The following GTF2A1 variants were observed in gnomAD, a reference collection of about 807,000 sequenced individuals.
GTF2A1 encodes general transcription factor IIA subunit 1, also known as transcription initiation factor IIA subunit 1.
Under a neutral mutation model 54.1 loss-of-function variants are expected in GTF2A1, and 12 were observed. The ratio of observed to expected loss-of-function variants is 0.22; its 90% CI spans 0.14 to 0.36. GTF2A1 has a LOEUF of 0.36. Among genes scored for constraint, GTF2A1 ranks in the 10% least tolerant of loss-of-function variants. The pLI, the probability that GTF2A1 is intolerant of heterozygous loss-of-function variation, is 1.00. For synonymous variants in GTF2A1, 145 were observed against 152.0 expected (o/e 0.95, Z 0.34); for missense variants, 335 against 442.2 (o/e 0.76, Z 2.17).
chr14:81,219,394 GGA>G (rs1307586090), intron 1 of GTF2A1, among the ~76,000 whole-genome samples: 2 of 152,234 alleles, frequency 1.3e-5, no homozygotes, highest in Non-Finnish European at 2.9e-5. Context: ...GTGTTTAAAT[GGA>G]GAGGCGGTGA....
At chr14:81,205,752 C>T (rs1227807634) in intron 2 of GTF2A1, among the ~76,000 whole-genome samples, 5 of 152,182 alleles carry the variant, frequency 3.3e-5, no homozygotes, top group Non-Finnish European at 5.9e-5. Flanking sequence ...AAATTTAAGT[C>T]TCTGCTAATC....
At chr14:81,216,570 A>G (rs531280340) in intron 1 of GTF2A1, 56 bp from the exon 2 acceptor site, 6 of 756,908 alleles carry the variant, frequency 7.9e-6, no homozygotes, top group East Asian at 5.2e-5. Context: ...CTTATAATGT[A>G]TAACAGGTTT....
At position 81,203,959 on chromosome 14, in the gene GTF2A1, T is replaced by A; in HGVS notation, c.278A>T (p.Gln93Leu). 6.2e-7 allele frequency: 1 copy of A among 1,614,110 alleles called. No homozygotes were observed. ...CTGCGCTTGCTGAGGTACTGTCTGC[T>A]GAGGCTGAGCTTGCTGATGATGGTG... is the stretch of plus-strand genomic sequence containing the variant. ...HHHHHQQAQPQQTVPQQAQTQ... is the reference protein window; with the variant it reads ...HHHHHQQAQPLQTVPQQAQTQ... The change falls in exon 3 of 9, where the codon CAG (glutamine) becomes CTG (leucine). Residue 93 changes from glutamine (Q) to leucine (L), a missense_variant. Physicochemically the swap from Gln to Leu is moderately radical, Grantham distance 113. Coordinates refer to ENST00000553612, the MANE Select transcript of GTF2A1 (RefSeq NM_015859.4).
At position 81,176,301 on chromosome 14, in the gene GTF2A1, A is replaced by G. The variant is rs1892526722; in HGVS notation, c.*3922T>C. The G allele has an allele frequency of 6.6e-6, 1 of 152,150 alleles. No individual in the cohort carries two copies. The highest frequency in any genetic ancestry group is 2.4e-5 in the African/African-American group (1 of 41,452). The allele number at this position is 152,150 out of a possible 1,614,324, so 9.4% of individuals were successfully genotyped here. On this transcript the variant is annotated 3_prime_UTR_variant, in exon 9 of 9. Transcript: ENST00000553612. ...TCACAGAAGAGCAACCTTGATCTGCAATGAATTTTACAAACATAATAAATA... is the reference window on the plus strand; with the variant it reads ...TCACAGAAGAGCAACCTTGATCTGCGATGAATTTTACAAACATAATAAATA...
chr14:81,178,964 TATTAC>T lies in GTF2A1; in HGVS notation c.*1254_*1258del, dbSNP rs1892585184. 1 of 152,172 alleles carries T rather than the reference TATTAC, an allele frequency of 6.6e-6. No individual in the cohort carries two copies. Among genetic ancestry groups the T allele is most frequent in the Non-Finnish European group, 1.5e-5 (1 of 68,038 alleles). The allele number at this position is 152,172 out of a possible 1,614,324, so 9.4% of individuals were successfully genotyped here. A position where few individuals can be genotyped will look rare whatever the true frequency, so the allele number is the denominator to read the frequency against. ...CAGACCTATGCATTCTTAATATACATATTACATTTCTATTATTTTTAATATACAAG... is the reference window on the plus strand; with the variant it reads ...CAGACCTATGCATTCTTAATATACATATTTCTATTATTTTTAATATACAAG... On this transcript the variant is annotated 3_prime_UTR_variant, in exon 9 of 9. Transcript: ENST00000553612.
Position 81,180,127 on chromosome 14 carries a change from A to T in GTF2A1, c.*96T>A. 1.7e-6 allele frequency: 1 copy of T among 577,296 alleles called. No individual in the cohort carries two copies. 35.8% of individuals were successfully genotyped at this position (577,296 alleles called of 1,614,324 possible). A position where few individuals can be genotyped will look rare whatever the true frequency, so the allele number is the denominator to read the frequency against. On this transcript the variant is annotated 3_prime_UTR_variant, in exon 9 of 9. Coordinates refer to ENST00000553612, the MANE Select transcript of GTF2A1 (RefSeq NM_015859.4). ...CTACTGCACTTTTCTGACATGCAGA[A>T]ACGAAGTTTTGGTTGGCATATGCCC...
intron 2 of GTF2A1, among the ~76,000 whole-genome samples, chr14:81,212,980 A>T (rs1893405981): frequency 6.6e-6 from 1 of 152,246 alleles, no homozygotes; most frequent in African/African-American, 2.4e-5. Context: ...GAAGAAATTC[A>T]GTGCAGAGAA....
intron 6 of GTF2A1, 23 bp downstream of exon 6, chr14:81,196,085 A>G (rs1274147483): frequency 1.2e-6 from 2 of 1,607,848 alleles, no homozygotes; most frequent in Non-Finnish European, 1.7e-6. Context: ...CCCCATACTG[A>G]TCATAATAGA....
chr14:81,200,805 T>C (rs940977981), intron 4 of GTF2A1, among the ~76,000 whole-genome samples: 9 of 151,170 alleles, frequency 6.0e-5, no homozygotes, highest in African/African-American at 1.7e-4. Context: ...ACAGTCTGTA[T>C]ATTTTAAACA....
rs1359332231 is a variant in GTF2A1 at position 81,176,851 on chromosome 14, T to C, written c.*3372A>G. Reference sequence around the variant, plus strand: ...AGCTTAAAAAAAAGAAAGTTCAAGATGAAATAATCGGAAAAACAGGAATTT... The same window carrying C: ...AGCTTAAAAAAAAGAAAGTTCAAGACGAAATAATCGGAAAAACAGGAATTT... On this transcript the variant is annotated 3_prime_UTR_variant, in exon 9 of 9. Coordinates refer to ENST00000553612, the MANE Select transcript of GTF2A1 (RefSeq NM_015859.4). 6.6e-6 allele frequency: 1 copy of C among 151,826 alleles called. No individual in the cohort carries two copies. The highest frequency in any genetic ancestry group is 1.5e-5 in the Non-Finnish European group (1 of 67,880). 9.4% of individuals were successfully genotyped at this position (151,826 alleles called of 1,614,324 possible).
chr14:81,209,966 T>C, intron 2 of GTF2A1: 6 of 1,025,020 alleles, frequency 5.9e-6, no homozygotes, highest in African/African-American at 1.7e-5. Context: ...AACAAAACTA[T>C]TGTCTTCTAG....
chr14:81,193,327 C>T (rs528847347), intron 6 of GTF2A1, among the ~76,000 whole-genome samples: 9 of 152,006 alleles, frequency 5.9e-5, no homozygotes, highest in Admixed American at 5.2e-4. Context: ...CCACCATGCC[C>T]GGCTAATTTT....
intron 2 of GTF2A1, among the ~76,000 whole-genome samples, chr14:81,206,263 AC>A (rs1350401807): frequency 6.6e-6 from 1 of 151,930 alleles, no homozygotes; most frequent in Non-Finnish European, 1.5e-5. Context: ...GTCAGAATCT[AC>A]CCCAACAGCC....
At position 81,197,022 on chromosome 14, in the gene GTF2A1, T is replaced by C. The variant is rs143073427; in HGVS notation, c.478+387A>G. ...TTTGTCAATGAAGAGATACTATGTA[T>C]AATAATAGCATACAATAAATTTGCT... On this transcript the variant is annotated intron_variant, in intron 5 of 8. Coordinates refer to ENST00000553612, the MANE Select transcript of GTF2A1 (RefSeq NM_015859.4). 4.6e-4 allele frequency among the ~76,000 whole-genome samples: 70 copies of C among 152,326 alleles called. 1 individual carries two copies. The East Asian group carries it at 0.012, about 26-fold the overall frequency.
chr14:81,181,343 A>T (rs1450758558), intron 8 of GTF2A1, among the ~76,000 whole-genome samples: 1 of 109,660 alleles, frequency 9.1e-6, no homozygotes, highest in East Asian at 2.0e-4. Context: ...AAAGGTACCT[A>T]AAAAAAAAAA....
chr14:81,190,912 G>T (rs1345542553), intron 7 of GTF2A1, among the ~76,000 whole-genome samples: 1 of 152,088 alleles, frequency 6.6e-6, no homozygotes, highest in Non-Finnish European at 1.5e-5. Flanking sequence ...ACGGTGGCTG[G>T]TTCAAGGATG....
rs769722323 is a variant in GTF2A1 at position 81,196,253 on chromosome 14, A to G, written c.479-12T>C. On this transcript the variant is annotated splice_polypyrimidine_tract_variant and intron_variant, in intron 5 of 8. Transcript: ENST00000553612. ...CTGAAGAAGCTGGCCTAAAGCAAAA[A>G]GCATGCATTCCGAGTTATCATTTTA... is the stretch of plus-strand genomic sequence containing the variant. 6.2e-7 allele frequency: 1 copy of G among 1,613,994 alleles called. No individual in the cohort carries two copies. The highest frequency in any genetic ancestry group is 8.5e-7 in the Non-Finnish European group (1 of 1,179,870).
chr14:81,197,215 CT>C, intron 5 of GTF2A1, 193 bp downstream of exon 5: 1 of 474,318 alleles, frequency 2.1e-6, no homozygotes, highest in Non-Finnish European at 3.9e-6. Flanking sequence ...CAATTTTCAT[CT>C]TCTTTACTGT....
rs751628572 is a variant in GTF2A1, at chr14:81,201,675, G to A, written c.338-17C>T. The stretch of plus-strand genomic sequence containing the variant: ...GTGCTGTGGCTACAAAAAAACAAGC[G>A]AACATGCAAACAAGGAACCATGAGG... On this transcript the variant is annotated splice_polypyrimidine_tract_variant and intron_variant, in intron 3 of 8. Transcript: ENST00000553612. 1.8e-5 allele frequency: 28 copies of A among 1,582,154 alleles called. No individual in the cohort carries two copies. Among genetic ancestry groups the A allele is most frequent in the South Asian group, 4.4e-5 (4 of 90,184 alleles).
Sources: gnomAD v4.1 joint callset for allele counts (sites outside exome capture counted in the v4.1 genomes callset) on GRCh38, gnomAD v4.1.1 for gene constraint, MANE v1.5 for transcripts, NCBI Gene and HGNC (gene_info 2026-07-23, HGNC 2026-07-21) for gene names.